The following NEK10 variants were observed in gnomAD, a reference collection of about 807,000 sequenced individuals.
NEK10 encodes the protein NIMA related kinase 10, also known as serine/threonine-protein kinase Nek10.
In NEK10, 122 loss-of-function variants were observed where a neutral mutation model predicts 159.8. The observed-to-expected ratio is 0.76, with a 90% CI of 0.66 to 0.89. The LOEUF (loss-of-function observed/expected upper bound fraction) is 0.89, where lower values mean the gene tolerates loss of function less well. Ranked by LOEUF, NEK10 falls within the 40% of genes least tolerant of loss-of-function variation. The pLI is 0.00. For missense variants in NEK10, 1,342 were observed against 1,323.1 expected (o/e 1.01, Z -0.22); for synonymous variants, 466 against 457.1 (o/e 1.02, Z -0.25).
intron 25 of NEK10, among the ~76,000 whole-genome samples, chr3:27,197,677 A>G (rs980112646): frequency 1.4e-4 from 22 of 152,026 alleles, no homozygotes; most frequent in Admixed American, 1.4e-3. Context: ...AGCCAATACT[A>G]TTGGGTTTTC....
At chr3:27,215,016 C>T in intron 23 of NEK10, 5 of 630,784 alleles carry the variant, frequency 7.9e-6, no homozygotes, top group Middle Eastern at 3.0e-4. Flanking sequence ...GCTCCAACTC[C>T]GACCTGTTCC....
chr3:27,314,653 T>C (rs2149612383), intron 6 of NEK10, among the ~76,000 whole-genome samples: 2 of 152,264 alleles, frequency 1.3e-5, no homozygotes, highest in Admixed American at 1.3e-4. Flanking sequence ...AGACACCATT[T>C]CATTCAATAT....
At chr3:27,219,575 T>C (rs3112810) in intron 23 of NEK10, among the ~76,000 whole-genome samples, 1 of 152,262 alleles carries the variant, frequency 6.6e-6, no homozygotes, top group African/African-American at 2.4e-5. Flanking sequence ...TCCAAACTGT[T>C]TTCTTTTCTA....
intron 1 of NEK10, among the ~76,000 whole-genome samples, chr3:27,356,087 A>G (rs921074764): frequency 1.3e-5 from 2 of 152,170 alleles, no homozygotes; most frequent in Non-Finnish European, 2.9e-5. Flanking sequence ...CCATGTAAGA[A>G]AAAGTGTGAC....
intron 1 of NEK10, among the ~76,000 whole-genome samples, chr3:27,363,295 A>T (rs1575946901): frequency 6.6e-6 from 1 of 152,350 alleles, no homozygotes; most frequent in East Asian, 1.9e-4. Flanking sequence ...AGGCTGATTC[A>T]GGTCATAATT....
At chr3:27,332,946 A>G (rs1284544407) in intron 5 of NEK10, among the ~76,000 whole-genome samples, 1 of 152,222 alleles carries the variant, frequency 6.6e-6, no homozygotes, top group Non-Finnish European at 1.5e-5. Context: ...GAGATTCGTT[A>G]CCAGGAGTAA....
Position 27,284,688 on chromosome 3 carries a change from C to T in NEK10, c.1928G>A (p.Arg643Gln), listed in dbSNP as rs151120469. The change falls in exon 22 of 36, where the codon CGA becomes CAA. Residue 643 changes from arginine (R) to glutamine (Q), a missense_variant. Transcript: ENST00000691995. Reference sequence around the variant, plus strand: ...AATCCTCTTCTCCTTGTGTAAGTATCGAAGAGCTAAGCACAGCTTGAAACA... The same window carrying T: ...AATCCTCTTCTCCTTGTGTAAGTATTGAAGAGCTAAGCACAGCTTGAAACA... ...KIFIQLCLAL[R>Q]YLHKEKRIVH... 8.1e-6 allele frequency: 13 copies of T among 1,607,948 alleles called. No individual in the cohort carries two copies. The highest frequency in any genetic ancestry group is 1.3e-5 in the African/African-American group (1 of 74,908).
intron 25 of NEK10, among the ~76,000 whole-genome samples, chr3:27,198,684 A>C (rs1949769517): frequency 6.6e-6 from 1 of 152,208 alleles, no homozygotes; most frequent in Non-Finnish European, 1.5e-5. Context: ...GTGAAACCCA[A>C]AACTATAAAA....
intron 23 of NEK10, among the ~76,000 whole-genome samples, chr3:27,216,813 G>T (rs1951576553): frequency 6.6e-6 from 1 of 152,172 alleles, no homozygotes; most frequent in Admixed American, 6.6e-5. Flanking sequence ...TCAAACTGCA[G>T]AATTTGAGCA....
Position 27,307,858 on chromosome 3 carries a change from C to G in NEK10, c.803+1G>C, listed in dbSNP as rs531554989. 1 of 1,454,942 alleles carries G rather than the reference C, an allele frequency of 6.9e-7. No homozygotes were observed. The highest frequency in any genetic ancestry group is 9.6e-7 in the Non-Finnish European group (1 of 1,036,520). 90.1% of individuals were successfully genotyped at this position (1,454,942 alleles called of 1,614,324 possible). On this transcript the variant is annotated splice_donor_variant, in intron 11 of 35. Transcript: ENST00000691995. LOFTEE classifies it high-confidence loss of function. ...TCTTTTTCTACTGTTAGCAATCCTA[C>G]CTTTTAGAAAGCAAGTCATATTCAT...
chr3:27,323,560 A>G (rs1158635847), intron 5 of NEK10, among the ~76,000 whole-genome samples: 2 of 152,080 alleles, frequency 1.3e-5, no homozygotes, highest in Non-Finnish European at 2.9e-5. Context: ...TCATATTATG[A>G]CAGAAACTGA....
At chr3:27,230,789 T>C (rs1953165133) in intron 23 of NEK10, among the ~76,000 whole-genome samples, 1 of 151,972 alleles carries the variant, frequency 6.6e-6, no homozygotes, top group Non-Finnish European at 1.5e-5. Context: ...CATTATATAT[T>C]GATGAAAGGA....
At chr3:27,333,700 G>C (rs1168365846) in intron 5 of NEK10, among the ~76,000 whole-genome samples, 2 of 150,762 alleles carry the variant, frequency 1.3e-5, no homozygotes, top group Admixed American at 1.3e-4. Context: ...TAGGAGGCAT[G>C]ATCAAGATGC....
chr3:27,161,680 C>T (rs1260566653), intron 30 of NEK10, among the ~76,000 whole-genome samples: 1 of 152,164 alleles, frequency 6.6e-6, no homozygotes, highest in Non-Finnish European at 1.5e-5. Flanking sequence ...GAAACATTAA[C>T]ACATTCTTCC....
chr3:27,341,539 T>C (rs929722579), intron 5 of NEK10, among the ~76,000 whole-genome samples: 1 of 152,180 alleles, frequency 6.6e-6, no homozygotes, highest in Non-Finnish European at 1.5e-5. Context: ...TTAGTTACCA[T>C]TGTGTAACTA....
At chr3:27,340,601 A>G (rs1389918197) in intron 5 of NEK10, among the ~76,000 whole-genome samples, 1 of 152,212 alleles carries the variant, frequency 6.6e-6, no homozygotes, top group Non-Finnish European at 1.5e-5. Context: ...CAAGTATATG[A>G]AAAAAAGTTC....
At chr3:27,171,278 A>C (rs1408104722) in intron 29 of NEK10, among the ~76,000 whole-genome samples, 1 of 152,176 alleles carries the variant, frequency 6.6e-6, no homozygotes, top group Non-Finnish European at 1.5e-5. Flanking sequence ...AACATATTTC[A>C]CCATCCCTTG....
intron 23 of NEK10, among the ~76,000 whole-genome samples, chr3:27,211,413 A>C (rs1476902729): frequency 6.6e-6 from 1 of 152,212 alleles, no homozygotes; most frequent in Non-Finnish European, 1.5e-5. Context: ...CATATTCCTG[A>C]ATTCTGAGGA....
intron 13 of NEK10, among the ~76,000 whole-genome samples, chr3:27,301,268 T>C (rs1233191267): frequency 6.6e-6 from 1 of 152,176 alleles, no homozygotes. Context: ...TCTTTGGAGC[T>C]CAAGAAGCAT....
Sources: allele counts gnomAD v4.1 joint callset (sites outside exome capture counted in the v4.1 genomes callset), GRCh38; gene constraint gnomAD v4.1.1; transcripts MANE v1.5; gene names NCBI Gene and HGNC (gene_info 2026-07-23, HGNC 2026-07-21).